MYRIP: variants seen among roughly 807,000 people sequenced by gnomAD.
The protein encoded by MYRIP is rab effector MyRIP.
MYRIP carries 49 observed loss-of-function variants against 98.0 expected under a neutral mutation model. That is an observed-to-expected ratio of 0.50 (90% CI 0.40 to 0.63). MYRIP has a LOEUF of 0.63. Ranked by LOEUF, MYRIP falls within the 30% of genes least tolerant of loss-of-function variation. MYRIP has a pLI of 0.00. For synonymous variants in MYRIP, 404 were observed against 409.5 expected (o/e 0.99, Z 0.16); for missense variants, 1,004 against 1,058.2 (o/e 0.95, Z 0.71).
intron 3 of MYRIP, among the ~76,000 whole-genome samples, chr3:40,123,465 T>A (rs1174559603): frequency 6.6e-6 from 1 of 152,202 alleles, no homozygotes; most frequent in Admixed American, 6.5e-5. Context: ...ATCCTTCTCG[T>A]TCCCTGTGGC....
intron 1 of MYRIP, among the ~76,000 whole-genome samples, chr3:39,812,062 T>A (rs896407709): frequency 3.3e-5 from 5 of 152,244 alleles, no homozygotes; most frequent in Admixed American, 6.5e-5. Context: ...AATTTAACAG[T>A]CTGTTGAAGT....
chr3:39,996,679 G>A (rs1051684414), intron 2 of MYRIP, among the ~76,000 whole-genome samples: 2 of 152,064 alleles, frequency 1.3e-5, no homozygotes, highest in Admixed American at 1.3e-4. Flanking sequence ...TGCACCAAGT[G>A]GACCTAATAG....
intron 13 of MYRIP, among the ~76,000 whole-genome samples, chr3:40,248,646 A>C (rs1175799102): frequency 6.6e-6 from 1 of 152,086 alleles, no homozygotes; most frequent in Non-Finnish European, 1.5e-5. Context: ...TTTCCCATTG[A>C]CCTTGTCTTT....
chr3:40,234,151 T>A (rs1267034342), intron 12 of MYRIP, 98 bp downstream of exon 12: 1 of 1,173,580 alleles, frequency 8.5e-7, no homozygotes, highest in Non-Finnish European at 1.2e-6. Flanking sequence ...GACACACACA[T>A]ACACACACAC....
At chr3:40,167,630 G>A (rs1173474644) in intron 7 of MYRIP, among the ~76,000 whole-genome samples, 1 of 152,070 alleles carries the variant, frequency 6.6e-6, no homozygotes, top group East Asian at 1.9e-4. Flanking sequence ...GACCCCACAA[G>A]TTAAGGGCCC....
At position 40,251,708 on chromosome 3, in the gene MYRIP, C is replaced by T. The variant is rs556323941; in HGVS notation, c.2429-173C>T. Among the ~76,000 whole-genome samples the T allele has an allele frequency of 9.2e-5, 14 of 152,236 alleles. No homozygotes were observed. In the South Asian group the frequency reaches 2.9e-3, roughly 32 times the overall value. ...TCAATGATGCCCTGACTTATTTGTC[C>T]ATCATAAAAATAAACACAAAACAAA... On this transcript the variant is annotated intron_variant, in intron 15 of 16. Transcript: ENST00000302541.
rs1575383393 is a variant in MYRIP, at chr3:39,924,341, T to A, written c.110+23415T>A. On this transcript the variant is annotated intron_variant, in intron 2 of 16. Transcript: ENST00000302541. ...AAAATCAGGATTAGCTATATGAATA[T>A]CTGATAAGCTAGATTTCAGAGCAAA... is the stretch of plus-strand genomic sequence containing the variant. Among the ~76,000 whole-genome samples, 4 of 152,230 alleles carry A rather than the reference T, an allele frequency of 2.6e-5. No individual in the cohort carries two copies. The South Asian group carries it at 8.3e-4, about 32-fold the overall frequency.
chr3:40,209,603 T>A (rs1951867074), intron 10 of MYRIP, among the ~76,000 whole-genome samples: 4 of 151,590 alleles, frequency 2.6e-5, no homozygotes, highest in Admixed American at 2.6e-4. Context: ...CAGAGAGTAG[T>A]CTGTGAATGA....
intron 11 of MYRIP, among the ~76,000 whole-genome samples, chr3:40,228,518 A>C (rs1952555874): frequency 6.6e-6 from 1 of 152,022 alleles, no homozygotes; most frequent in South Asian, 2.1e-4. Flanking sequence ...TCCCCTCGCC[A>C]CTGCCCCTGT....
chr3:39,809,192 A>T (rs181261303), upstream of MYRIP, among the ~76,000 whole-genome samples: 3 of 152,208 alleles, frequency 2.0e-5, no homozygotes, highest in East Asian at 5.8e-4. Context: ...CTCTACGGTC[A>T]CTGAGGGTCC....
At chr3:40,073,517 A>G (rs1297784388) in intron 3 of MYRIP, among the ~76,000 whole-genome samples, 5 of 152,224 alleles carry the variant, frequency 3.3e-5, no homozygotes, top group South Asian at 4.1e-4. Flanking sequence ...GTTGATGCGC[A>G]TGCTGCGGGG....
intron 3 of MYRIP, among the ~76,000 whole-genome samples, chr3:40,138,425 T>A (rs1354525013): frequency 6.6e-6 from 1 of 152,250 alleles, no homozygotes; most frequent in Non-Finnish European, 1.5e-5. Flanking sequence ...AACTATGTTG[T>A]CATTGGTAAA....
chr3:40,010,718 C>T (rs1373920578), intron 2 of MYRIP, among the ~76,000 whole-genome samples: 1 of 152,094 alleles, frequency 6.6e-6, no homozygotes, highest in African/African-American at 2.4e-5. Flanking sequence ...GCTGCCATAC[C>T]TCCCCTGCCC....
At chr3:39,834,162 CTTTA>C (rs1941552959) in intron 1 of MYRIP, among the ~76,000 whole-genome samples, 2 of 152,204 alleles carry the variant, frequency 1.3e-5, no homozygotes, top group Admixed American at 6.5e-5. Flanking sequence ...TGCTGGGCCA[CTTTA>C]TTTAAGATGA....
chr3:40,034,570 A>G (rs1947335071), intron 2 of MYRIP, among the ~76,000 whole-genome samples: 1 of 150,670 alleles, frequency 6.6e-6, no homozygotes, highest in Non-Finnish European at 1.5e-5. Context: ...AAGTCTGGAA[A>G]CAACAGGTGC....
At chr3:39,840,528 G>A (rs1559492670) in intron 1 of MYRIP, among the ~76,000 whole-genome samples, 1 of 152,170 alleles carries the variant, frequency 6.6e-6, no homozygotes, top group African/African-American at 2.4e-5. Context: ...TATGCTAGCT[G>A]GTTATTTTGC....
intron 10 of MYRIP, among the ~76,000 whole-genome samples, chr3:40,197,106 C>T (rs1037748803): frequency 3.3e-5 from 5 of 152,092 alleles, no homozygotes; most frequent in Admixed American, 1.3e-4. Context: ...CTATGGATTG[C>T]GGCAGGTCGT....
intron 3 of MYRIP, among the ~76,000 whole-genome samples, chr3:40,070,330 C>T (rs895378232): frequency 2.0e-5 from 3 of 152,136 alleles, no homozygotes; most frequent in African/African-American, 4.8e-5. Context: ...CCTTAAAAAG[C>T]GTAACTCCAC....
chr3:39,891,612 T>G lies in MYRIP; in HGVS notation c.-30-9175T>G, dbSNP rs370058813. Among the ~76,000 whole-genome samples the G allele has an allele frequency of 3.3e-5, 5 of 152,118 alleles. No homozygotes were observed. The East Asian group carries it at 9.6e-4, about 29-fold the overall frequency. On this transcript the variant is annotated intron_variant, in intron 1 of 16. Transcript: ENST00000302541. Reference sequence around the variant, plus strand: ...GTATTGCTGGATCAATGGTATTTAATTTAAATACATTACAGTCTACTTTTT... The same window carrying G: ...GTATTGCTGGATCAATGGTATTTAAGTTAAATACATTACAGTCTACTTTTT...
Sources: allele counts gnomAD v4.1 joint callset (sites outside exome capture counted in the v4.1 genomes callset), GRCh38; gene constraint gnomAD v4.1.1; transcripts MANE v1.5; gene names NCBI Gene and HGNC (gene_info 2026-07-23, HGNC 2026-07-21).